MAMDC2: variants seen among roughly 807,000 people sequenced by gnomAD.
MAMDC2 encodes the protein MAM domain containing 2.
Under a neutral mutation model 89.8 loss-of-function variants are expected in MAMDC2, and 57 were observed. The ratio of observed to expected loss-of-function variants is 0.63; its 90% confidence interval spans 0.51 to 0.79. The LOEUF (loss-of-function observed/expected upper bound fraction) is 0.79, where lower values mean the gene tolerates loss of function less well. Ranked by LOEUF, MAMDC2 falls within the 30% of genes least tolerant of loss-of-function variation. MAMDC2 has a pLI of 0.00. For missense variants in MAMDC2, 800 were observed against 820.6 expected, an observed-to-expected ratio of 0.97 and a Z score of 0.31; for synonymous variants, 313 against 293.4, an observed-to-expected ratio of 1.07 and a Z score of -0.68.
chr9:70,147,659 C>T lies in MAMDC2; in HGVS notation c.1404+3840C>T, dbSNP rs2031451806. Among the ~76,000 whole-genome samples the T allele has an allele frequency of 2.0e-5, 3 of 150,160 alleles. No individual in the cohort carries two copies. In the Admixed American group the frequency reaches 2.0e-4, roughly 10 times the overall value. ...TCACCTCTCTTACCCCCTTGACTTC[C>T]CAAATTCTCCCAGATACACAATTAC... On this transcript the variant is annotated intron_variant, in intron 9 of 13. Coordinates refer to ENST00000377182, the MANE Select transcript of MAMDC2 (RefSeq NM_153267.5).
intron 2 of MAMDC2, among the ~76,000 whole-genome samples, chr9:70,106,808 G>C (rs978557145): frequency 6.6e-6 from 1 of 152,146 alleles, no homozygotes; most frequent in African/African-American, 2.4e-5. Flanking sequence ...AAATCCTTCA[G>C]TCGGCAAGAA....
At chr9:70,178,453 C>A (rs1327333355) in intron 11 of MAMDC2, among the ~76,000 whole-genome samples, 1 of 152,190 alleles carries the variant, frequency 6.6e-6, no homozygotes, top group East Asian at 1.9e-4. Flanking sequence ...TAAGCCCTAC[C>A]TTTCGACACC....
intron 2 of MAMDC2, chr9:70,079,097 A>T (rs1047560829): frequency 6.6e-6 from 1 of 152,226 alleles, no homozygotes; most frequent in Non-Finnish European, 1.5e-5. Context: ...GCCTCCCCCT[A>T]GCTAGTGTGT....
rs1177210328 is a variant in MAMDC2 at position 70,063,201 on chromosome 9, C to T, written c.148+18504C>T. ...ACCTGGGAGGTGGAGGCTGCAGAGC[C>T]GAGATCACGCCACTGCACTTCAGCC... On this transcript the variant is annotated intron_variant, in intron 2 of 13. Coordinates refer to ENST00000377182, the MANE Select transcript of MAMDC2 (RefSeq NM_153267.5). 2.0e-5 allele frequency: 3 copies of T among 152,048 alleles called. No homozygotes were observed. In the East Asian group the frequency reaches 5.8e-4, roughly 29 times the overall value. The allele number at this position is 152,048 out of a possible 1,614,324, so 9.4% of individuals were successfully genotyped here.
intron 5 of MAMDC2, among the ~76,000 whole-genome samples, chr9:70,115,538 T>C (rs1409676723): frequency 1.3e-5 from 2 of 152,136 alleles, no homozygotes; most frequent in Non-Finnish European, 2.9e-5. Flanking sequence ...GTATTTTTAG[T>C]AAAGATGGGG....
At chr9:70,106,122 C>T (rs894354206) in intron 2 of MAMDC2, 4 of 152,158 alleles carry the variant, frequency 2.6e-5, no homozygotes, top group Non-Finnish European at 5.9e-5. Context: ...AAGGGGTGGG[C>T]CTGGGGATGT....
intron 2 of MAMDC2, among the ~76,000 whole-genome samples, chr9:70,100,343 T>C (rs1332570031): frequency 1.3e-5 from 2 of 152,224 alleles, no homozygotes; most frequent in African/African-American, 2.4e-5. Flanking sequence ...ATCAAGTTGA[T>C]GTGATAGCCA....
chr9:70,197,764 C>T (rs2033001832), intron 11 of MAMDC2, among the ~76,000 whole-genome samples: 1 of 152,062 alleles, frequency 6.6e-6, no homozygotes, highest in Admixed American at 6.6e-5. Flanking sequence ...ATTGAGGATC[C>T]CCAAACACTG....
intron 2 of MAMDC2, among the ~76,000 whole-genome samples, chr9:70,095,315 G>C (rs1471662761): frequency 6.6e-6 from 1 of 152,210 alleles, no homozygotes; most frequent in Non-Finnish European, 1.5e-5. Context: ...GTAGTGTGGA[G>C]ATTAGATTAG....
In MAMDC2 at chr9:70,170,640, T is replaced by C. The variant is rs915345087; in HGVS notation, c.1651+9T>C. 6.4e-7 allele frequency: 1 copy of C among 1,572,828 alleles called. No homozygotes were observed. Among genetic ancestry groups the C allele is most frequent in the African/African-American group, 1.4e-5 (1 of 72,910 alleles). On this transcript the variant is annotated intron_variant, in intron 11 of 13. Coordinates refer to ENST00000377182, the MANE Select transcript of MAMDC2 (RefSeq NM_153267.5). ...TCACACTACTGGGGTAGGTGAGTTA[T>C]GCCACGTGGTGCTGTTTCCTAAGGA...
intron 2 of MAMDC2, among the ~76,000 whole-genome samples, chr9:70,053,675 A>T (rs143573361): frequency 6.6e-6 from 1 of 152,216 alleles, no homozygotes; most frequent in African/African-American, 2.4e-5. Context: ...TTTGGGCAAG[A>T]GTAATACAGA....
chr9:70,152,954 GT>G (rs1382466225), intron 9 of MAMDC2, among the ~76,000 whole-genome samples: 2 of 152,022 alleles, frequency 1.3e-5, no homozygotes, highest in South Asian at 2.1e-4. Context: ...ACTAATGAAT[GT>G]TTTTTTCTTA....
chr9:70,223,132 C>CAAAA (rs57177475), intron 12 of MAMDC2, among the ~76,000 whole-genome samples: 18 of 119,064 alleles, frequency 1.5e-4, no homozygotes, highest in African/African-American at 5.6e-4. Flanking sequence ...GACTCTGTCT[C>CAAAA]AAAAAAAAAA....
chr9:70,199,984 T>G (rs533014147), intron 11 of MAMDC2, among the ~76,000 whole-genome samples: 105 of 152,342 alleles, frequency 6.9e-4, no homozygotes, highest in African/African-American at 2.4e-3. Context: ...GCGAAAATTT[T>G]CTCCCATTTT....
chr9:70,120,634 G>A (rs1295028613), intron 5 of MAMDC2, among the ~76,000 whole-genome samples: 1 of 152,174 alleles, frequency 6.6e-6, no homozygotes, highest in Non-Finnish European at 1.5e-5. Flanking sequence ...TAGGTGCCAG[G>A]GGCTGCCACT....
intron 2 of MAMDC2, among the ~76,000 whole-genome samples, chr9:70,072,721 A>G (rs1328506333): frequency 6.6e-6 from 1 of 152,192 alleles, no homozygotes; most frequent in African/African-American, 2.4e-5. Flanking sequence ...GAGCTAAATA[A>G]TTGTGTCTAT....
At chr9:70,135,784 T>TG (rs1443294736) in intron 7 of MAMDC2, among the ~76,000 whole-genome samples, 3 of 152,176 alleles carry the variant, frequency 2.0e-5, no homozygotes, top group African/African-American at 7.2e-5. Context: ...GTATACTGTA[T>TG]GGATTTGGAC....
intron 3 of MAMDC2, 57 bp from the exon 4 acceptor site, chr9:70,109,663 C>A: frequency 1.4e-6 from 2 of 1,401,826 alleles, no homozygotes; most frequent in East Asian, 2.3e-5. Flanking sequence ...AAATACTGAA[C>A]CAAGGAAACA....
chr9:70,196,008 A>C (rs2032968095), intron 11 of MAMDC2, among the ~76,000 whole-genome samples: 1 of 152,144 alleles, frequency 6.6e-6, no homozygotes, highest in Admixed American at 6.6e-5. Flanking sequence ...CAGTTCCACA[A>C]GGCTGGGGAA....
Sources: gnomAD v4.1 joint callset for allele counts (sites outside exome capture counted in the v4.1 genomes callset) on GRCh38, gnomAD v4.1.1 for gene constraint, MANE v1.5 for transcripts, NCBI Gene and HGNC (gene_info 2026-07-23, HGNC 2026-07-21) for gene names.